Variants in HDAC9 observed in about 807,000 individuals in gnomAD.
HDAC9 encodes the protein MEF-2 interacting transcription repressor (MITR) protein.
HDAC9 carries 41 observed loss-of-function variants against 139.4 expected under a neutral mutation model. The ratio of observed to expected loss-of-function variants is 0.29; its 90% CI spans 0.23 to 0.38. HDAC9 has a LOEUF of 0.38. HDAC9 is among the 10% of genes least tolerant of loss of function. The pLI, the probability that HDAC9 is intolerant of heterozygous loss-of-function variation, is 1.00. For missense variants in HDAC9, 1,147 were observed against 1,297.0 expected, an observed-to-expected ratio of 0.88 and a Z score of 1.78; for synonymous variants, 517 against 476.2, an observed-to-expected ratio of 1.09 and a Z score of -1.12.
At chr7:18,548,527 G>A (rs1815981320) in intron 2 of HDAC9, among the ~76,000 whole-genome samples, 1 of 152,064 alleles carries the variant, frequency 6.6e-6, no homozygotes, top group African/African-American at 2.4e-5. Context: ...AGTTGTATCT[G>A]GTATGTAATT....
At chr7:18,973,003 G>A (rs528949389) in intron 24 of HDAC9, among the ~76,000 whole-genome samples, 2 of 152,250 alleles carry the variant, frequency 1.3e-5, no homozygotes, top group South Asian at 4.1e-4. Flanking sequence ...GTATTTTCAT[G>A]TCTACTGGAA....
At chr7:18,900,848 T>C (rs1801638372) in intron 22 of HDAC9, among the ~76,000 whole-genome samples, 1 of 152,114 alleles carries the variant, frequency 6.6e-6, no homozygotes, top group African/African-American at 2.4e-5. Flanking sequence ...AGTGTATAGA[T>C]ACCACTGGAT....
At chr7:18,806,051 G>A (rs866317896) in intron 17 of HDAC9, among the ~76,000 whole-genome samples, 18 of 152,104 alleles carry the variant, frequency 1.2e-4, no homozygotes, top group Admixed American at 2.6e-4. Flanking sequence ...TTTTCAATGA[G>A]GCTGAACTGG....
chr7:18,217,447 T>A (rs1792398166), intron 2 of HDAC9, among the ~76,000 whole-genome samples: 1 of 152,220 alleles, frequency 6.6e-6, no homozygotes, highest in African/African-American at 2.4e-5. Flanking sequence ...ATATAGTTTG[T>A]TCACTTTTTT....
intron 8 of HDAC9, among the ~76,000 whole-genome samples, chr7:18,638,559 G>A (rs973235911): frequency 1.3e-5 from 2 of 152,056 alleles, no homozygotes; most frequent in African/African-American, 4.8e-5. Context: ...CTAGGAGAAG[G>A]TAGTACCGTA....
chr7:18,606,148 T>C (rs1248799618), intron 6 of HDAC9, among the ~76,000 whole-genome samples: 1 of 152,206 alleles, frequency 6.6e-6, no homozygotes, highest in Non-Finnish European at 1.5e-5. Flanking sequence ...TTTTCCTATT[T>C]CTCCAGATTT....
chr7:18,651,752 T>A (rs2129039737), intron 11 of HDAC9, among the ~76,000 whole-genome samples: 1 of 152,304 alleles, frequency 6.6e-6, no homozygotes, highest in African/African-American at 2.4e-5. Context: ...TATACTTTAA[T>A]ATCATATTTG....
chr7:18,277,546 A>T (rs1415312756), intron 2 of HDAC9, among the ~76,000 whole-genome samples: 1 of 152,162 alleles, frequency 6.6e-6, no homozygotes, highest in African/African-American at 2.4e-5. Flanking sequence ...TAGAACTTAT[A>T]GTTCTTTTCT....
chr7:18,529,259 T>C (rs546560625), intron 2 of HDAC9, among the ~76,000 whole-genome samples: 18 of 152,088 alleles, frequency 1.2e-4, no homozygotes, highest in South Asian at 2.1e-4. Flanking sequence ...CTCATCTCCT[T>C]CCCCCTTCTT....
intron 6 of HDAC9, among the ~76,000 whole-genome samples, chr7:18,600,283 A>G (rs1442435890): frequency 2.0e-5 from 3 of 152,124 alleles, no homozygotes; most frequent in Non-Finnish European, 4.4e-5. Context: ...TCTTTCACAG[A>G]ACAGAAGATT....
At chr7:18,799,561 G>T (rs1244927323) in intron 17 of HDAC9, among the ~76,000 whole-genome samples, 2 of 152,072 alleles carry the variant, frequency 1.3e-5, no homozygotes, top group African/African-American at 4.8e-5. Flanking sequence ...TCTATAAACA[G>T]AATACTAATA....
At chr7:18,363,387 C>T (rs936599737) in intron 1 of HDAC9, among the ~76,000 whole-genome samples, 1 of 152,056 alleles carries the variant, frequency 6.6e-6, no homozygotes, top group Non-Finnish European at 1.5e-5. Context: ...CATACTCATC[C>T]TAGAGAAAGA....
At chr7:18,371,873 T>C (rs890387524) in intron 1 of HDAC9, among the ~76,000 whole-genome samples, 1 of 152,200 alleles carries the variant, frequency 6.6e-6, no homozygotes, top group Non-Finnish European at 1.5e-5. Flanking sequence ...CAGAGATCTT[T>C]TGACATTGGT....
At chr7:18,651,753 A>G (rs1789344128) in intron 11 of HDAC9, among the ~76,000 whole-genome samples, 1 of 152,162 alleles carries the variant, frequency 6.6e-6, no homozygotes, top group Non-Finnish European at 1.5e-5. Context: ...ATACTTTAAT[A>G]TCATATTTGG....
At chr7:18,296,375 A>C (rs10226952) in intron 1 of HDAC9, among the ~76,000 whole-genome samples, 3,864 of 150,644 alleles carry the variant, frequency 0.026, 164 homozygotes, top group African/African-American at 0.091. Context: ...CTTTAAAAAT[A>C]ATAAATTTTA....
intron 2 of HDAC9, among the ~76,000 whole-genome samples, chr7:18,221,057 A>G (rs1792662249): frequency 6.6e-6 from 1 of 151,778 alleles, no homozygotes; most frequent in Admixed American, 6.6e-5. Flanking sequence ...AAAATCGTAT[A>G]ATTATAATTC....
chr7:18,762,896 C>T (rs1789514981), intron 15 of HDAC9, among the ~76,000 whole-genome samples: 1 of 151,990 alleles, frequency 6.6e-6, no homozygotes, highest in African/African-American at 2.4e-5. Context: ...ATTTATATTG[C>T]AGAACTTTAT....
intron 1 of HDAC9, among the ~76,000 whole-genome samples, chr7:18,117,232 A>G (rs898644900): frequency 1.3e-5 from 2 of 152,154 alleles, no homozygotes; most frequent in Non-Finnish European, 2.9e-5. Context: ...GTGGCCTATC[A>G]ATCCAATATG....
At chr7:18,949,420 T>G (rs972580691) in intron 23 of HDAC9, 1 of 245,024 alleles carries the variant, frequency 4.1e-6, no homozygotes, top group South Asian at 6.2e-5. Context: ...TGTTAAGTGC[T>G]GCCCATTAAT....
Sources: allele counts gnomAD v4.1 joint callset (sites outside exome capture counted in the v4.1 genomes callset), GRCh38; gene constraint gnomAD v4.1.1; transcripts MANE v1.5; gene names NCBI Gene and HGNC (gene_info 2026-07-23, HGNC 2026-07-21).